The following STK31 variants were observed in gnomAD, a reference collection of about 807,000 sequenced individuals.
The protein encoded by STK31 is serine/threonine kinase 31, also known as serine/threonine-protein kinase 31.
STK31 carries 89 observed loss-of-function variants against 129.7 expected under a neutral mutation model. That is an observed-to-expected ratio of 0.69 (90% CI 0.58 to 0.82). The LOEUF (loss-of-function observed/expected upper bound fraction) is 0.82. STK31 is among the 40% of genes least tolerant of loss of function. STK31 has a pLI of 0.00. For missense variants in STK31, 1,187 were observed against 1,176.4 expected (o/e 1.01, Z -0.13); for synonymous variants, 448 against 395.3 (o/e 1.13, Z -1.58).
At position 23,787,992 on chromosome 7, in the gene STK31, G is replaced by A. The variant is rs1453563518; in HGVS notation, c.2500G>A (p.Val834Ile). The A allele has an allele frequency of 3.8e-6, 6 of 1,568,534 alleles. No homozygotes were observed. Among genetic ancestry groups the A allele is most frequent in the Non-Finnish European group, 5.2e-6 (6 of 1,159,688 alleles). Residue 834 changes from valine to isoleucine, a missense_variant, in exon 21 of 24, where the codon GTC (valine) becomes ATC (isoleucine). Transcript: ENST00000355870. Reference protein sequence around the residue: ...MPLNSEETLKVMKGVAQGLHT... With the variant: ...MPLNSEETLKIMKGVAQGLHT... ...TACTTATCTATAGGAAACTTTAAAG[G>A]TCATGAAAGGTGTTGCCCAGGGTCT...
intron 22 of STK31, among the ~76,000 whole-genome samples, chr7:23,813,558 C>T (rs183113129): frequency 6.6e-6 from 1 of 152,302 alleles, no homozygotes; most frequent in East Asian, 1.9e-4. Context: ...TCCTGGACTA[C>T]TTTTTGAACT....
chr7:23,771,989 TC>T, intron 14 of STK31, 157 bp from the exon 15 acceptor site: 1 of 464,464 alleles, frequency 2.2e-6, no homozygotes, highest in East Asian at 3.8e-5. Context: ...AAAAAGGAAA[TC>T]TATTGAATTG....
intron 4 of STK31, chr7:23,721,540 C>CT (rs34764466): frequency 0.013 from 10,020 of 756,094 alleles, no homozygotes; most frequent in Middle Eastern, 0.016. Flanking sequence ...GTTTAACTCT[C>CT]TTTTTTTTTT....
chr7:23,769,296 C>T (rs1230541529), intron 12 of STK31, 122 bp downstream of exon 12: 4 of 890,950 alleles, frequency 4.5e-6, no homozygotes, highest in Non-Finnish European at 6.2e-6. Context: ...TTTAAAATTG[C>T]CACCTTACCA....
chr7:23,797,147 C>T (rs936148216), intron 22 of STK31, among the ~76,000 whole-genome samples: 3 of 152,182 alleles, frequency 2.0e-5, no homozygotes, highest in Non-Finnish European at 4.4e-5. Flanking sequence ...GAGACTTAGA[C>T]TCCCACACAA....
chr7:23,716,308 C>T (rs1584316064), intron 3 of STK31, among the ~76,000 whole-genome samples: 1 of 152,228 alleles, frequency 6.6e-6, no homozygotes, highest in South Asian at 2.1e-4. Flanking sequence ...GTAGTCCTCT[C>T]AGTATATCAT....
chr7:23,831,218 G>T (rs1794525518), intron 23 of STK31, among the ~76,000 whole-genome samples: 1 of 152,180 alleles, frequency 6.6e-6, no homozygotes, highest in African/African-American at 2.4e-5. Flanking sequence ...GTCTAGTGGT[G>T]AGAGTTGGGT....
At chr7:23,797,821 G>T (rs1330464779) in intron 22 of STK31, among the ~76,000 whole-genome samples, 1 of 152,154 alleles carries the variant, frequency 6.6e-6, no homozygotes, top group Non-Finnish European at 1.5e-5. Context: ...ATGAATCCAG[G>T]AGCTGGTTTC....
At chr7:23,781,628 T>G (rs1790931131) in intron 16 of STK31, 108 bp downstream of exon 16, 1 of 715,944 alleles carries the variant, frequency 1.4e-6, no homozygotes, top group Non-Finnish European at 2.3e-6. Context: ...AGGTATTATA[T>G]AGAAAGTTTA....
chr7:23,754,786 G>A (rs906428936), intron 10 of STK31, among the ~76,000 whole-genome samples: 3 of 152,138 alleles, frequency 2.0e-5, no homozygotes, highest in African/African-American at 7.2e-5. Flanking sequence ...TGCCGAAGAT[G>A]ATGGCTTCCA....
chr7:23,727,689 A>G (rs1011318881), intron 5 of STK31: 1 of 178,482 alleles, frequency 5.6e-6, no homozygotes, highest in African/African-American at 2.4e-5. Context: ...CAGCCTCCCA[A>G]GTAGCTGGGA....
chr7:23,720,620 C>A (rs1786636656), intron 4 of STK31, among the ~76,000 whole-genome samples: 1 of 152,088 alleles, frequency 6.6e-6, no homozygotes, highest in Non-Finnish European at 1.5e-5. Context: ...AAACTAAGAG[C>A]TGTATTAAGT....
At chr7:23,729,792 G>C (rs6947502) in intron 6 of STK31, among the ~76,000 whole-genome samples, 1 of 152,102 alleles carries the variant, frequency 6.6e-6, no homozygotes, top group African/African-American at 2.4e-5. Context: ...TTACAAGCAT[G>C]AGCCACTGCG....
chr7:23,765,156 G>A (rs1789734367), intron 11 of STK31, among the ~76,000 whole-genome samples: 1 of 152,036 alleles, frequency 6.6e-6, no homozygotes. Flanking sequence ...CCGGGTTCAA[G>A]CGATTCTCCT....
chr7:23,816,792 C>G (rs1793494512), intron 23 of STK31, among the ~76,000 whole-genome samples: 1 of 152,190 alleles, frequency 6.6e-6, no homozygotes, highest in Admixed American at 6.5e-5. Context: ...ATAGTATTCT[C>G]TCTAAAGCAA....
chr7:23,767,220 A>G (rs908016393), intron 11 of STK31, among the ~76,000 whole-genome samples: 6 of 152,008 alleles, frequency 3.9e-5, no homozygotes, highest in Non-Finnish European at 8.8e-5. Context: ...TTAGTTTTTT[A>G]TACTTCTTTC....
chr7:23,712,335 TC>T, intron 3 of STK31, 49 bp downstream of exon 3: 3 of 1,571,092 alleles, frequency 1.9e-6, no homozygotes, highest in Non-Finnish European at 2.6e-6. Flanking sequence ...CCAATCCAGT[TC>T]CTCCCCAACA....
In STK31 at chr7:23,830,835, G is replaced by T. The variant is rs908330132; in HGVS notation, c.2830-1301G>T. On this transcript the variant is annotated intron_variant, in intron 23 of 23. Transcript: ENST00000355870. ...AGGTTTCACCATGTCAGCCAGGCTG[G>T]TCTCAAACTCCTGACCTTAAGTGAT... 7.9e-5 allele frequency among the ~76,000 whole-genome samples: 12 copies of T among 152,034 alleles called. No homozygotes were observed. The South Asian group carries it at 1.5e-3, about 18-fold the overall frequency.
intron 1 of STK31, 112 bp downstream of exon 1, chr7:23,710,447 C>G (rs1207035296): frequency 6.3e-7 from 1 of 1,579,328 alleles, no homozygotes. Context: ...TCAGGGTTTT[C>G]TGTCACCTTC....
Sources: gnomAD v4.1 joint callset for allele counts (sites outside exome capture counted in the v4.1 genomes callset) on GRCh38, gnomAD v4.1.1 for gene constraint, MANE v1.5 for transcripts, NCBI Gene and HGNC (gene_info 2026-07-23, HGNC 2026-07-21) for gene names.